Variants in DMXL2 observed in about 807,000 individuals in gnomAD.
DMXL2 encodes dmX-like protein 2.
In DMXL2, 103 loss-of-function variants were observed where a neutral mutation model predicts 331.1. That is an observed-to-expected ratio of 0.31 (90% CI 0.27 to 0.37). The LOEUF is 0.37. DMXL2 is among the 10% of genes least tolerant of loss of function. DMXL2 has a pLI of 1.00. For synonymous variants in DMXL2, 1,281 were observed against 1,252.1 expected (o/e 1.02, Z -0.49); for missense variants, 3,171 against 3,642.9 (o/e 0.87, Z 3.33).
intron 4 of DMXL2, among the ~76,000 whole-genome samples, chr15:51,564,596 C>A (rs1232150416): frequency 2.0e-5 from 3 of 151,832 alleles, no homozygotes; most frequent in Non-Finnish European, 4.4e-5. Context: ...AAAATGTCCT[C>A]GAGATATAAG....
At chr15:51,612,247 T>C (rs1284491409) in intron 1 of DMXL2, among the ~76,000 whole-genome samples, 17 of 152,194 alleles carry the variant, frequency 1.1e-4, no homozygotes, top group Non-Finnish European at 1.5e-5. Flanking sequence ...AATTGCCTTG[T>C]TTTCTATATA....
chr15:51,602,827 A>T (rs968513078), intron 1 of DMXL2, among the ~76,000 whole-genome samples: 2 of 152,226 alleles, frequency 1.3e-5, no homozygotes, highest in Non-Finnish European at 2.9e-5. Context: ...TAAAACAAAA[A>T]TATCAACATT....
At chr15:51,480,465 G>A (rs1288613358) in intron 24 of DMXL2, 77 bp downstream of exon 24, 2 of 1,431,624 alleles carry the variant, frequency 1.4e-6, no homozygotes, top group Non-Finnish European at 1.8e-6. Context: ...AGTAGTAAAA[G>A]AGCTTTATAG....
At chr15:51,516,666 G>A (rs1403473628) in intron 14 of DMXL2, among the ~76,000 whole-genome samples, 1 of 152,130 alleles carries the variant, frequency 6.6e-6, no homozygotes, top group African/African-American at 2.4e-5. Flanking sequence ...AATAGCTTTT[G>A]GGGTACAAGT....
At position 51,549,209 on chromosome 15, in the gene DMXL2, T is replaced by C. The variant is rs147400048; in HGVS notation, c.568-1801A>G. 9.9e-3 allele frequency among the ~76,000 whole-genome samples: 1,504 copies of C among 152,230 alleles called. 19 individuals carry two copies. Among genetic ancestry groups the C allele is most frequent in the African/African-American group, 0.035 (1,447 of 41,540 alleles). ...CCCACTTATGAGTGAGAACATACGA[T>C]GTTTGGTTTTCCATTCCTGAGTTAC... On this transcript the variant is annotated intron_variant, in intron 6 of 43. Coordinates refer to ENST00000560891, the MANE Select transcript of DMXL2 (RefSeq NM_001378457.1).
intron 29 of DMXL2, among the ~76,000 whole-genome samples, chr15:51,467,310 G>A (rs953038877): frequency 1.3e-5 from 2 of 152,082 alleles, no homozygotes; most frequent in Non-Finnish European, 2.9e-5. Flanking sequence ...TAAAATTTCT[G>A]TGCATGATAA....
chr15:51,586,288 T>C (rs2051817521), intron 1 of DMXL2, among the ~76,000 whole-genome samples: 1 of 151,892 alleles, frequency 6.6e-6, no homozygotes, highest in African/African-American at 2.4e-5. Flanking sequence ...AATGCAAAAT[T>C]AACAAAATTT....
rs1692836784 is a variant in DMXL2, at chr15:51,564,175, A to G, written c.450T>C (p.Asp150=). 1 of 1,607,318 alleles carries G rather than the reference A, an allele frequency of 6.2e-7. No individual in the cohort carries two copies. The highest frequency in any genetic ancestry group is 8.5e-7 in the Non-Finnish European group (1 of 1,177,436). The change falls in exon 5 of 44, where the codon GAT becomes GAC. Residue 150 remains aspartate, a synonymous_variant. Transcript: ENST00000560891. The part of the protein sequence containing the change: ...DDILEEEEEI[D]NTVPPVLNDW... ...CATTTAAAACAGGAGGAACTGTATT[A>G]TCAATTTCTTCCTCCTCTTCCAGAA...
intron 2 of DMXL2, among the ~76,000 whole-genome samples, chr15:51,572,010 A>G (rs1401464254): frequency 6.6e-6 from 1 of 152,172 alleles, no homozygotes; most frequent in Non-Finnish European, 1.5e-5. Context: ...TGGTTTTTTG[A>G]AAAGATTAAC....
Position 51,499,071 on chromosome 15 carries a change from G to A in DMXL2, c.4153C>T (p.Pro1385Ser), listed in dbSNP as rs756903004. ...IAGEVAIVRD[P>S]DAGEGTKRHL... ...CGCTTAGTTCCTTCTCCAGCATCAG[G>A]ATCTCTAACTATTGCTACTTCACCT... is the stretch of plus-strand genomic sequence containing the variant. Residue 1385 changes from proline to serine, a missense_variant, in exon 18 of 44, where the codon CCT (proline) becomes TCT (serine). By Grantham distance (74) the Pro-to-Ser change is moderately conservative. Around this residue, in one of 7 missense-constraint regions of DMXL2, gnomAD observed 1,674 missense variants for 1,780.2 expected, o/e 0.94. Coordinates refer to ENST00000560891, the MANE Select transcript of DMXL2 (RefSeq NM_001378457.1). 1 of 1,613,944 alleles carries A rather than the reference G, an allele frequency of 6.2e-7. No individual in the cohort carries two copies. Among genetic ancestry groups the A allele is most frequent in the Non-Finnish European group, 8.5e-7 (1 of 1,180,008 alleles).
At chr15:51,548,586 A>G (rs1367819478) in intron 6 of DMXL2, among the ~76,000 whole-genome samples, 1 of 152,066 alleles carries the variant, frequency 6.6e-6, no homozygotes, top group Non-Finnish European at 1.5e-5. Flanking sequence ...GAAATTCTAC[A>G]GGTACCCGAG....
chr15:51,598,155 A>G (rs1349805392), intron 1 of DMXL2, among the ~76,000 whole-genome samples: 2 of 152,148 alleles, frequency 1.3e-5, no homozygotes, highest in African/African-American at 4.8e-5. Flanking sequence ...ATGATACAGT[A>G]CTTCCTTTAC....
rs77913967 is a variant in DMXL2, at chr15:51,459,981, A to C, written c.7927-321T>G. Reference sequence around the variant, plus strand: ...ATCTATAAAATTAAAGCCCATTTGTATAAGCAGATGCAGAAGATGCTACAT... The same window carrying C: ...ATCTATAAAATTAAAGCCCATTTGTCTAAGCAGATGCAGAAGATGCTACAT... On this transcript the variant is annotated intron_variant, in intron 33 of 43. Coordinates refer to ENST00000560891, the MANE Select transcript of DMXL2 (RefSeq NM_001378457.1). 91 of 985,040 alleles carry C rather than the reference A, an allele frequency of 9.2e-5. 1 individual carries two copies. The East Asian group carries it at 5.4e-3, about 59-fold the overall frequency. 61.0% of individuals were successfully genotyped at this position (985,040 alleles called of 1,614,324 possible). A position where few individuals can be genotyped will look rare whatever the true frequency, so the allele number is the denominator to read the frequency against.
intron 40 of DMXL2, 46 bp downstream of exon 40, chr15:51,455,105 C>G (rs368914274): frequency 7.8e-6 from 11 of 1,417,650 alleles, no homozygotes; most frequent in East Asian, 2.3e-5. Context: ...ACTTCATGAA[C>G]AAAGTGTTGT....
At chr15:51,473,939 T>TAA (rs1566997305) in intron 28 of DMXL2, among the ~76,000 whole-genome samples, 1 of 152,170 alleles carries the variant, frequency 6.6e-6, no homozygotes, top group African/African-American at 2.4e-5. Flanking sequence ...TGGTATGCGC[T>TAA]AAAGATTTTG....
intron 2 of DMXL2, among the ~76,000 whole-genome samples, chr15:51,573,658 C>T (rs539705035): frequency 1.3e-5 from 2 of 151,928 alleles, no homozygotes; most frequent in South Asian, 4.2e-4. Context: ...AACACATGGA[C>T]ACTGGGGGAA....
At chr15:51,536,094 T>A (rs1000025138) in intron 12 of DMXL2, 72 bp downstream of exon 12, 41 of 1,318,030 alleles carry the variant, frequency 3.1e-5, no homozygotes, top group Non-Finnish European at 4.1e-5. Flanking sequence ...ACAACAAATA[T>A]AAACCATTTC....
chr15:51,622,230 CGGTGGATTCCTAAGCCTTTCCCCTAACG>C (rs932233427), intron 1 of DMXL2, among the ~76,000 whole-genome samples: 23 of 152,310 alleles, frequency 1.5e-4, no homozygotes, highest in African/African-American at 5.5e-4. Flanking sequence ...GTGGAGAGTG[CGGTGGATTCCTAAGCCTTTCCCCTAACG>C]GGTGATTTCC....
chr15:51,571,299 A>C (rs1240011604), intron 2 of DMXL2, among the ~76,000 whole-genome samples: 1 of 152,220 alleles, frequency 6.6e-6, no homozygotes, highest in Non-Finnish European at 1.5e-5. Context: ...GTTCTTAAAG[A>C]CCTACAAAGA....
Sources: allele counts gnomAD v4.1 joint callset (sites outside exome capture counted in the v4.1 genomes callset), GRCh38; gene constraint gnomAD v4.1.1; regional missense constraint gnomAD v4.1.1; transcripts MANE v1.5; gene names NCBI Gene and HGNC (gene_info 2026-07-23, HGNC 2026-07-21).